SMYD3: variants seen among roughly 807,000 people sequenced by gnomAD.
SMYD3 encodes histone-lysine N-methyltransferase SMYD3.
SMYD3 carries 36 observed loss-of-function variants against 57.7 expected under a neutral mutation model. That is an observed-to-expected ratio of 0.62 (90% CI 0.48 to 0.82). SMYD3 has a LOEUF of 0.82. Ranked by LOEUF, SMYD3 falls within the 40% of genes least tolerant of loss-of-function variation. The probability of loss-of-function intolerance (pLI) is 0.00; values close to 1 mark genes in which losing one functional copy is unlikely to be tolerated. For synonymous variants in SMYD3, 211 were observed against 195.0 expected (o/e 1.08, Z -0.68); for missense variants, 515 against 538.8 (o/e 0.96, Z 0.44).
intron 11 of SMYD3, among the ~76,000 whole-genome samples, chr1:245,751,564 C>G (rs12751285): frequency 1.4e-4 from 19 of 139,076 alleles, no homozygotes; most frequent in South Asian, 2.4e-4. Context: ...GACAGAGAGA[C>G]AGAGAGAAAG....
chr1:246,311,726 A>G (rs954639849), intron 5 of SMYD3, among the ~76,000 whole-genome samples: 1 of 152,240 alleles, frequency 6.6e-6, no homozygotes, highest in Non-Finnish European at 1.5e-5. Flanking sequence ...ATTTGCTTTC[A>G]TGACCCTCCT....
intron 5 of SMYD3, among the ~76,000 whole-genome samples, chr1:245,938,074 C>T (rs2057053064): frequency 1.3e-5 from 2 of 152,210 alleles, no homozygotes; most frequent in Admixed American, 6.5e-5. Context: ...ATGAAAGATA[C>T]AGTGCGTGCT....
intron 5 of SMYD3, among the ~76,000 whole-genome samples, chr1:246,214,798 T>G (rs940232769): frequency 1.3e-5 from 2 of 152,136 alleles, no homozygotes; most frequent in African/African-American, 2.4e-5. Context: ...GGAATGATCA[T>G]TAAAACAAAG....
intron 5 of SMYD3, among the ~76,000 whole-genome samples, chr1:246,212,880 G>A (rs4654220): frequency 0.39 from 58,658 of 151,946 alleles, 12,674 homozygotes; most frequent in Admixed American, 0.53. Flanking sequence ...TAGACAGGAC[G>A]TTCTTGGGTT....
chr1:246,262,820 T>C (rs1472071811), intron 5 of SMYD3, among the ~76,000 whole-genome samples: 1 of 152,180 alleles, frequency 6.6e-6, no homozygotes, highest in Non-Finnish European at 1.5e-5. Flanking sequence ...AATTCAACAC[T>C]GTTAAAACAT....
intron 1 of SMYD3, among the ~76,000 whole-genome samples, chr1:246,468,444 C>A (rs893422920): frequency 1.3e-5 from 2 of 151,984 alleles, no homozygotes; most frequent in African/African-American, 4.8e-5. Context: ...AGTTCAAGAC[C>A]AGCCTGGGCA....
At chr1:245,811,453 T>C (rs987165826) in intron 10 of SMYD3, among the ~76,000 whole-genome samples, 2 of 152,250 alleles carry the variant, frequency 1.3e-5, no homozygotes, top group African/African-American at 4.8e-5. Flanking sequence ...ATTTGAAATG[T>C]TGAAAGTCTT....
intron 8 of SMYD3, among the ~76,000 whole-genome samples, chr1:245,884,014 G>C (rs4654156): frequency 6.6e-6 from 1 of 151,912 alleles, no homozygotes. Context: ...ATTTATACAG[G>C]GATATCCAGG....
At chr1:245,774,288 C>T (rs552973969) in intron 10 of SMYD3, among the ~76,000 whole-genome samples, 34 of 152,110 alleles carry the variant, frequency 2.2e-4, no homozygotes, top group Non-Finnish European at 4.1e-4. Context: ...TCCTTCCTTT[C>T]GTTCAACTTA....
At chr1:246,143,020 T>C (rs1048540796) in intron 5 of SMYD3, among the ~76,000 whole-genome samples, 10 of 152,078 alleles carry the variant, frequency 6.6e-5, no homozygotes, top group African/African-American at 1.9e-4. Flanking sequence ...TAAGAAATAA[T>C]TGCCACCACA....
At chr1:245,904,195 C>T (rs528495640) in intron 8 of SMYD3, among the ~76,000 whole-genome samples, 1 of 152,076 alleles carries the variant, frequency 6.6e-6, no homozygotes, top group African/African-American at 2.4e-5. Flanking sequence ...GGCTGTTTTC[C>T]TGAGACGGGG....
chr1:246,434,647 C>A lies in SMYD3; in HGVS notation c.164+72407G>T, dbSNP rs116266128. On this transcript the variant is annotated intron_variant, in intron 1 of 11. Coordinates refer to ENST00000490107, the MANE Select transcript of SMYD3 (RefSeq NM_001167740.2). ...CTTTTATTAAAAAGTCAAAACAGAA[C>A]AGATGCTGGCGAGGCTGCAGAGAAA... is the stretch of plus-strand genomic sequence containing the variant. 7.2e-3 allele frequency among the ~76,000 whole-genome samples: 1,091 copies of A among 152,272 alleles called. 17 individuals are homozygous for A. Among genetic ancestry groups the A allele is most frequent in the African/African-American group, 0.024 (1,017 of 41,568 alleles).
intron 1 of SMYD3, among the ~76,000 whole-genome samples, chr1:246,431,349 T>C (rs2103009347): frequency 6.6e-6 from 1 of 152,306 alleles, no homozygotes; most frequent in South Asian, 2.1e-4. Flanking sequence ...AGAACCCAAT[T>C]AAAAATCCAG....
intron 10 of SMYD3, among the ~76,000 whole-genome samples, chr1:245,828,816 C>T (rs2049662051): frequency 6.6e-6 from 1 of 151,780 alleles, no homozygotes; most frequent in African/African-American, 2.4e-5. Context: ...ATTTCTTGTG[C>T]CTCAGCCTCC....
Position 246,195,386 on chromosome 1 carries a change from C to T in SMYD3, c.531+131815G>A, listed in dbSNP as rs116543044. Among the ~76,000 whole-genome samples, 1,003 of 152,210 alleles carry T rather than the reference C, an allele frequency of 6.6e-3. 14 individuals carry two copies. The highest frequency in any genetic ancestry group is 0.022 in the African/African-American group (915 of 41,532). Reference sequence around the variant, plus strand: ...AGATTTCCTTTAAAGTCTCACAGGACTCATGTGGTACGGGGCCTCTGTGAC... The same window carrying T: ...AGATTTCCTTTAAAGTCTCACAGGATTCATGTGGTACGGGGCCTCTGTGAC... On this transcript the variant is annotated intron_variant, in intron 5 of 11. Transcript: ENST00000490107.
chr1:246,223,173 T>A (rs2063281616), intron 5 of SMYD3, among the ~76,000 whole-genome samples: 1 of 152,116 alleles, frequency 6.6e-6, no homozygotes, highest in Admixed American at 6.5e-5. Flanking sequence ...GAGAGTCTCC[T>A]GTACCCAGGG....
At chr1:246,214,029 G>A (rs1237082701) in intron 5 of SMYD3, among the ~76,000 whole-genome samples, 1 of 152,114 alleles carries the variant, frequency 6.6e-6, no homozygotes, top group Non-Finnish European at 1.5e-5. Context: ...GGCAAAAGAT[G>A]GTCATGGTTT....
chr1:246,341,077 AT>A (rs768823348), intron 2 of SMYD3, among the ~76,000 whole-genome samples: 1 of 152,198 alleles, frequency 6.6e-6, no homozygotes, highest in Non-Finnish European at 1.5e-5. Context: ...AGAAATTGCT[AT>A]TTTTGTCTTT....
intron 5 of SMYD3, among the ~76,000 whole-genome samples, chr1:245,959,089 T>C (rs1174233731): frequency 2.0e-5 from 3 of 152,052 alleles, no homozygotes; most frequent in Non-Finnish European, 4.4e-5. Flanking sequence ...TTGGGTTTTG[T>C]TTTTGTTTTT....
Sources: gnomAD v4.1 joint callset for allele counts (sites outside exome capture counted in the v4.1 genomes callset) on GRCh38, gnomAD v4.1.1 for gene constraint, MANE v1.5 for transcripts, NCBI Gene and HGNC (gene_info 2026-07-23, HGNC 2026-07-21) for gene names.